The following ZFAND3 variants were observed in gnomAD, a reference collection of about 807,000 sequenced individuals.
ZFAND3 encodes AN1-type zinc finger protein 3.
Under a neutral mutation model 29.6 loss-of-function variants are expected in ZFAND3, and 10 were observed. The observed-to-expected ratio is 0.34, with a 90% CI of 0.21 to 0.57. ZFAND3 has a LOEUF of 0.57. Among genes scored for constraint, ZFAND3 ranks in the 20% least tolerant of loss-of-function variants. ZFAND3 has a pLI of 0.86. For synonymous variants in ZFAND3, 128 were observed against 112.6 expected, an observed-to-expected ratio of 1.14 and a Z score of -0.87; for missense variants, 230 against 304.5, an observed-to-expected ratio of 0.76 and a Z score of 1.82.
At chr6:38,036,773 C>A (rs989337297) in intron 2 of ZFAND3, among the ~76,000 whole-genome samples, 2 of 151,912 alleles carry the variant, frequency 1.3e-5, no homozygotes, top group Non-Finnish European at 2.9e-5. Flanking sequence ...TATTAAAAAT[C>A]TTTTTCTTTC....
chr6:38,106,140 A>G (rs1363832339), intron 4 of ZFAND3, among the ~76,000 whole-genome samples: 1 of 151,404 alleles, frequency 6.6e-6, no homozygotes, highest in Non-Finnish European at 1.5e-5. Flanking sequence ...AGCAACTTAC[A>G]TACAAATGAC....
intron 1 of ZFAND3, among the ~76,000 whole-genome samples, chr6:37,906,449 AG>A (rs1765408881): frequency 2.0e-5 from 3 of 152,282 alleles, no homozygotes; most frequent in South Asian, 4.1e-4. Flanking sequence ...ATAGACATTT[AG>A]GTCCCTTCCA....
Position 38,152,487 on chromosome 6 carries a change from C to CA in ZFAND3, c.*99dup, listed in dbSNP as rs1766249497. ...CAGACACCTTGTACTGGGCACGCGT[C>CA]AGACTGCAGCCAGTCCGTTTCCTTT... is the stretch of plus-strand genomic sequence containing the variant. On this transcript the variant is annotated 3_prime_UTR_variant, in exon 6 of 6. Coordinates refer to ENST00000287218, the MANE Select transcript of ZFAND3 (RefSeq NM_021943.3). 1 of 1,400,086 alleles carries CA rather than the reference C, an allele frequency of 7.1e-7. No homozygotes were observed. Among genetic ancestry groups the CA allele is most frequent in the Non-Finnish European group, 9.3e-7 (1 of 1,075,950 alleles). The allele number at this position is 1,400,086 out of a possible 1,614,324, so 86.7% of individuals were successfully genotyped here.
chr6:37,829,670 G>A (rs1218684286), intron 1 of ZFAND3, among the ~76,000 whole-genome samples: 2 of 152,186 alleles, frequency 1.3e-5, no homozygotes, highest in Admixed American at 6.5e-5. Flanking sequence ...TCTGAGGCCT[G>A]AGTTCCCTGT....
At chr6:37,820,777 G>T (rs1423499148) in intron 1 of ZFAND3, among the ~76,000 whole-genome samples, 2 of 152,192 alleles carry the variant, frequency 1.3e-5, no homozygotes. Flanking sequence ...TGATAAAAAT[G>T]TTGACAGTGG....
At chr6:37,881,553 C>CT (rs935923494) in intron 1 of ZFAND3, among the ~76,000 whole-genome samples, 1 of 152,128 alleles carries the variant, frequency 6.6e-6, no homozygotes, top group Non-Finnish European at 1.5e-5. Context: ...CAGGCTAAAT[C>CT]TTTAATCTCT....
At chr6:38,032,982 C>T (rs62396976) in intron 2 of ZFAND3, among the ~76,000 whole-genome samples, 5,905 of 152,134 alleles carry the variant, frequency 0.039, 194 homozygotes, top group Non-Finnish European at 0.049. Context: ...ATTGCCTCCC[C>T]GGAATGCTAA....
Position 38,082,473 on chromosome 6 carries a change from T to G in ZFAND3, c.361+16T>G. On this transcript the variant is annotated intron_variant, in intron 4 of 5. Coordinates refer to ENST00000287218, the MANE Select transcript of ZFAND3 (RefSeq NM_021943.3). The stretch of plus-strand genomic sequence containing the variant: ...TGTGGTACAGGTATGTACGTCATTC[T>G]TATGTGAATTCATCCTTATTTGAAT... 1 of 1,607,058 alleles carries G rather than the reference T, an allele frequency of 6.2e-7. No individual in the cohort carries two copies.
intron 1 of ZFAND3, among the ~76,000 whole-genome samples, chr6:37,905,267 T>G (rs1027610758): frequency 1.3e-5 from 2 of 152,156 alleles, no homozygotes; most frequent in Non-Finnish European, 2.9e-5. Flanking sequence ...TTTAAGAAAA[T>G]GTAAGCACTC....
chr6:37,849,084 T>A (rs1485898131), intron 1 of ZFAND3, among the ~76,000 whole-genome samples: 3 of 152,212 alleles, frequency 2.0e-5, no homozygotes, highest in Non-Finnish European at 2.9e-5. Flanking sequence ...CTGGTAATTA[T>A]GATAAACTGC....
At chr6:37,906,938 A>G (rs259683) in intron 1 of ZFAND3, among the ~76,000 whole-genome samples, 106,069 of 151,804 alleles carry the variant, frequency 0.7, 37,592 homozygotes, top group African/African-American at 0.77. Flanking sequence ...TTCTCTAGGG[A>G]GCTTATTTGG....
intron 1 of ZFAND3, among the ~76,000 whole-genome samples, chr6:37,900,405 C>T (rs1474246411): frequency 1.3e-5 from 2 of 152,138 alleles, no homozygotes; most frequent in African/African-American, 4.8e-5. Context: ...AGGAGAAACT[C>T]ATCTTACAAA....
intron 1 of ZFAND3, among the ~76,000 whole-genome samples, chr6:37,891,980 C>T (rs993040777): frequency 6.6e-6 from 1 of 152,164 alleles, no homozygotes; most frequent in African/African-American, 2.4e-5. Flanking sequence ...CCACTCGCCT[C>T]GCCCTCCCAA....
In ZFAND3 at chr6:37,976,935, A is replaced by G. The variant is rs554371657; in HGVS notation, c.112+46936A>G. ...GGGTGGGGACACAGAGCCAAACCAT[A>G]TCACCAGACAATCATGATGTTTGTG... is the stretch of plus-strand genomic sequence containing the variant. On this transcript the variant is annotated intron_variant, in intron 2 of 5. Transcript: ENST00000287218. Among the ~76,000 whole-genome samples, 146 of 152,284 alleles carry G rather than the reference A, an allele frequency of 9.6e-4. 1 individual carries two copies. Among genetic ancestry groups the G allele is most frequent in the Middle Eastern group, 3.4e-3 (1 of 294 alleles).
chr6:38,117,106 T>A (rs2127485112), intron 5 of ZFAND3, among the ~76,000 whole-genome samples: 1 of 152,278 alleles, frequency 6.6e-6, no homozygotes, highest in East Asian at 1.9e-4. Flanking sequence ...TACCATAAAA[T>A]TCAGATATTA....
chr6:37,960,501 G>T (rs1313951364), intron 2 of ZFAND3, among the ~76,000 whole-genome samples: 1 of 152,138 alleles, frequency 6.6e-6, no homozygotes, highest in East Asian at 1.9e-4. Flanking sequence ...TAATTCCTTT[G>T]TGGCACTGCT....
chr6:38,046,164 A>G (rs563044452), intron 2 of ZFAND3, among the ~76,000 whole-genome samples: 1 of 152,342 alleles, frequency 6.6e-6, no homozygotes, highest in South Asian at 2.1e-4. Context: ...TGCAAGATCT[A>G]AGCCTAATAA....
At chr6:37,895,496 A>T (rs1581741852) in intron 1 of ZFAND3, among the ~76,000 whole-genome samples, 2 of 108,558 alleles carry the variant, frequency 1.8e-5, no homozygotes. Context: ...TTATATGTCT[A>T]GACTTAACTT....
chr6:37,934,626 C>G (rs1048324134), intron 2 of ZFAND3, among the ~76,000 whole-genome samples: 7 of 151,010 alleles, frequency 4.6e-5, no homozygotes, highest in African/African-American at 1.7e-4. Context: ...CATTTGAGGT[C>G]AGGAGTTCGA....
Sources: gnomAD v4.1 joint callset for allele counts (sites outside exome capture counted in the v4.1 genomes callset) on GRCh38, gnomAD v4.1.1 for gene constraint, MANE v1.5 for transcripts, NCBI Gene and HGNC (gene_info 2026-07-23, HGNC 2026-07-21) for gene names.